Variants in ACOXL observed in about 807,000 individuals in gnomAD.
ACOXL encodes acyl-coenzyme A oxidase-like protein.
ACOXL carries 70 observed loss-of-function variants against 71.9 expected under a neutral mutation model. That is an observed-to-expected ratio of 0.97 (90% CI 0.80 to 1.19). The LOEUF is 1.19. Among genes scored for constraint, ACOXL ranks in the 50% most tolerant of loss-of-function variants. The pLI is 0.00. For synonymous variants in ACOXL, 253 were observed against 281.6 expected (o/e 0.90, Z 1.02); for missense variants, 703 against 736.3 (o/e 0.95, Z 0.52).
At chr2:110,900,608 G>T (rs1007121846) in intron 10 of ACOXL, among the ~76,000 whole-genome samples, 1 of 152,174 alleles carries the variant, frequency 6.6e-6, no homozygotes, top group Non-Finnish European at 1.5e-5. Flanking sequence ...ATTCTATCTT[G>T]TGCTGGTGAT....
In ACOXL at chr2:110,793,708, A is replaced by G; in HGVS notation, c.218A>G (p.His73Arg). 2 of 1,614,088 alleles carry G rather than the reference A, an allele frequency of 1.2e-6. No individual in the cohort carries two copies. The highest frequency in any genetic ancestry group is 1.1e-5 in the South Asian group (1 of 91,074). ...ATCAGGAATCTCGGAAGCCCTGAAC[A>G]TGTTACTAAGTGGTTTCAGCCACTC... ...GAIRNLGSPE[H>R]VTKWFQPLQE... Residue 73 changes from histidine to arginine, a missense_variant, in exon 4 of 18, where the codon CAT becomes CGT. By Grantham distance (29) the His-to-Arg change is conservative. Coordinates refer to ENST00000439055, the MANE Select transcript of ACOXL (RefSeq NM_001142807.4).
chr2:111,082,356 T>C (rs1049428103), intron 16 of ACOXL, among the ~76,000 whole-genome samples: 2 of 150,010 alleles, frequency 1.3e-5, no homozygotes, highest in African/African-American at 4.9e-5. Context: ...CATCAAAAAT[T>C]GGGTGAAGGA....
intron 12 of ACOXL, among the ~76,000 whole-genome samples, chr2:110,939,949 C>T (rs1372727095): frequency 6.6e-6 from 1 of 152,174 alleles, no homozygotes; most frequent in Non-Finnish European, 1.5e-5. Flanking sequence ...CCAATTTCCA[C>T]TCCCACCAGC....
chr2:111,026,580 C>T (rs1259155081), intron 14 of ACOXL, among the ~76,000 whole-genome samples: 2 of 151,280 alleles, frequency 1.3e-5, no homozygotes, highest in East Asian at 3.9e-4. Context: ...ATTTTTGATG[C>T]TATTGTAAAT....
At chr2:110,806,093 A>G (rs1686604121) in intron 9 of ACOXL, among the ~76,000 whole-genome samples, 1 of 152,268 alleles carries the variant, frequency 6.6e-6, no homozygotes, top group African/African-American at 2.4e-5. Flanking sequence ...CAGCTTTTCC[A>G]TGAAGAAGGA....
chr2:110,935,019 G>T (rs1442708675), intron 12 of ACOXL, among the ~76,000 whole-genome samples: 1 of 152,160 alleles, frequency 6.6e-6, no homozygotes, highest in Non-Finnish European at 1.5e-5. Context: ...TCTCCAGGAG[G>T]TGGCTGTCCC....
At chr2:110,784,496 C>T (rs951807825) in intron 2 of ACOXL, among the ~76,000 whole-genome samples, 6 of 152,100 alleles carry the variant, frequency 3.9e-5, no homozygotes, top group Admixed American at 3.3e-4. Flanking sequence ...ATGCAGTTGA[C>T]TATTGTATAA....
chr2:111,014,999 A>T (rs1375719817), intron 14 of ACOXL, among the ~76,000 whole-genome samples: 1 of 152,244 alleles, frequency 6.6e-6, no homozygotes, highest in Non-Finnish European at 1.5e-5. Flanking sequence ...TGTAAAAGGG[A>T]AAAACTATAA....
chr2:110,866,855 A>G (rs13028998), intron 10 of ACOXL, among the ~76,000 whole-genome samples: 1 of 152,104 alleles, frequency 6.6e-6, no homozygotes, highest in Non-Finnish European at 1.5e-5. Context: ...TAGGGAACCC[A>G]CTGTGCTAGA....
At position 110,853,913 on chromosome 2, in the gene ACOXL, GTT is replaced by G. The variant is rs35717647; in HGVS notation, c.788+12523_788+12524del. Among the ~76,000 whole-genome samples, 1,059 of 142,170 alleles carry G rather than the reference GTT, an allele frequency of 7.4e-3. 14 individuals are homozygous for G. The highest frequency in any genetic ancestry group is 0.041 in the South Asian group (185 of 4,500). 93.3% of individuals were successfully genotyped at this position (142,170 alleles called of 152,430 possible). ...AAACGAAGTGAAATCTAGGACACTT[GTT>G]TTTTTTTTTTTTTTAATTTCAATTG... On this transcript the variant is annotated intron_variant, in intron 10 of 17. Coordinates refer to ENST00000439055, the MANE Select transcript of ACOXL (RefSeq NM_001142807.4).
At chr2:110,986,575 G>T (rs1225605767) in intron 12 of ACOXL, among the ~76,000 whole-genome samples, 1 of 152,142 alleles carries the variant, frequency 6.6e-6, no homozygotes, top group African/African-American at 2.4e-5. Context: ...TTTCTGCAGC[G>T]GGCTAGCCAT....
chr2:111,064,222 G>A (rs1384968733), intron 16 of ACOXL, among the ~76,000 whole-genome samples: 1 of 152,102 alleles, frequency 6.6e-6, no homozygotes, highest in Non-Finnish European at 1.5e-5. Flanking sequence ...GGATCACGAG[G>A]TCAGGAGATC....
Position 111,088,482 on chromosome 2 carries a change from G to A in ACOXL, c.1441-4383G>A, listed in dbSNP as rs151100999. Among the ~76,000 whole-genome samples, 51 of 152,276 alleles carry A rather than the reference G, an allele frequency of 3.3e-4. 2 individuals carry two copies. In the East Asian group the frequency reaches 9.4e-3, roughly 28 times the overall value. On this transcript the variant is annotated intron_variant, in intron 16 of 17. Transcript: ENST00000439055. Reference sequence around the variant, plus strand: ...AAAAATGAGATAATGTCGTTTGCAGGAACATGGATAGAACTGGAGCCCATT... The same window carrying A: ...AAAAATGAGATAATGTCGTTTGCAGAAACATGGATAGAACTGGAGCCCATT...
chr2:111,067,484 A>G (rs1325213856), intron 16 of ACOXL, among the ~76,000 whole-genome samples: 1 of 152,234 alleles, frequency 6.6e-6, no homozygotes, highest in Non-Finnish European at 1.5e-5. Flanking sequence ...TTCTCCGGAA[A>G]ATAAATGGGC....
intron 14 of ACOXL, among the ~76,000 whole-genome samples, chr2:110,999,263 G>A (rs959420040): frequency 1.3e-5 from 2 of 152,032 alleles, no homozygotes; most frequent in Non-Finnish European, 2.9e-5. Context: ...CTTCTTATAA[G>A]AATACTGTCG....
chr2:111,060,208 G>C (rs1182728252), intron 16 of ACOXL, among the ~76,000 whole-genome samples: 1 of 152,136 alleles, frequency 6.6e-6, no homozygotes, highest in African/African-American at 2.4e-5. Context: ...GACCATCTGG[G>C]GAGCCTGGAC....
At chr2:110,894,131 A>T (rs899425412) in intron 10 of ACOXL, among the ~76,000 whole-genome samples, 1 of 152,202 alleles carries the variant, frequency 6.6e-6, no homozygotes, top group African/African-American at 2.4e-5. Flanking sequence ...TTCCAGGAAA[A>T]TGTAGTGGGT....
chr2:111,002,747 CT>C (rs2063693615), intron 14 of ACOXL, among the ~76,000 whole-genome samples: 1 of 152,086 alleles, frequency 6.6e-6, no homozygotes, highest in Non-Finnish European at 1.5e-5. Context: ...CCCATTCCCC[CT>C]ACCCTCCATA....
chr2:110,740,876 AT>A (rs1319558362), intron 1 of ACOXL, among the ~76,000 whole-genome samples: 2 of 152,042 alleles, frequency 1.3e-5, no homozygotes, highest in Admixed American at 1.3e-4. Flanking sequence ...GGACATGGGG[AT>A]TTTTCACAGT....
Sources: gnomAD v4.1 joint callset for allele counts (sites outside exome capture counted in the v4.1 genomes callset) on GRCh38, gnomAD v4.1.1 for gene constraint, MANE v1.5 for transcripts, NCBI Gene and HGNC (gene_info 2026-07-23, HGNC 2026-07-21) for gene names.